The following MMP16 variants were observed in gnomAD, a reference collection of about 807,000 sequenced individuals.
MMP16 encodes the protein matrix metalloproteinase-16.
In MMP16, 12 loss-of-function variants were observed where a neutral mutation model predicts 67.8. That is an observed-to-expected ratio of 0.18 (90% confidence interval 0.11 to 0.29). MMP16 has a LOEUF of 0.29. Ranked by LOEUF, MMP16 falls within the 10% of genes least tolerant of loss-of-function variation. The pLI is 1.00. For missense variants in MMP16, 475 were observed against 765.7 expected (o/e 0.62, Z 4.48); for synonymous variants, 249 against 255.9 (o/e 0.97, Z 0.26).
At chr8:88,299,046 A>G (rs1449824652) in intron 1 of MMP16, among the ~76,000 whole-genome samples, 2 of 151,860 alleles carry the variant, frequency 1.3e-5, no homozygotes, top group East Asian at 1.9e-4. Flanking sequence ...ACACAGTGGG[A>G]AAAAAAATAG....
chr8:88,056,245 A>G lies in MMP16; in HGVS notation c.1256T>C (p.Leu419Pro), dbSNP rs748562931. ...NKYWVFKDTT[L>P]QPGYPHDLIT... ...CAAGTCATGAGGGTAACCAGGTTGA[A>G]GAGTTGTATCCTTGAACACCCAATA... The change falls in exon 8 of 10, where the codon CTT (leucine) becomes CCT (proline). Residue 419 changes from leucine to proline, a missense_variant. Leu to Pro is a moderately conservative substitution (Grantham distance 98). Transcript: ENST00000286614. 2 of 1,594,906 alleles carry G rather than the reference A, an allele frequency of 1.3e-6. No individual in the cohort carries two copies. The highest frequency in any genetic ancestry group is 1.7e-5 in the Admixed American group (1 of 58,134).
At chr8:88,179,016 TAGG>T (rs1411151061) in intron 3 of MMP16, among the ~76,000 whole-genome samples, 1 of 151,912 alleles carries the variant, frequency 6.6e-6, no homozygotes, top group Non-Finnish European at 1.5e-5. Flanking sequence ...ATGAAAATAC[TAGG>T]AGAAGAGAGA....
chr8:88,284,169 T>C (rs1427677971), intron 1 of MMP16, among the ~76,000 whole-genome samples: 1 of 152,188 alleles, frequency 6.6e-6, no homozygotes, highest in Non-Finnish European at 1.5e-5. Flanking sequence ...CTCTGTATTA[T>C]CCACAGCAGC....
intron 4 of MMP16, among the ~76,000 whole-genome samples, chr8:88,125,010 T>G (rs1807903359): frequency 1.3e-5 from 2 of 151,878 alleles, no homozygotes; most frequent in Admixed American, 1.3e-4. Flanking sequence ...AGGCCTGATC[T>G]CCAAATACTA....
In MMP16 at chr8:88,327,100, C is replaced by T; in HGVS notation, c.107G>A (p.Gly36Glu). Reference protein sequence around the residue: ...LLWILCATVCGTEQYFNVEVW... With the variant: ...LLWILCATVCETEQYFNVEVW... ...CTCCACATTGAAATACTGCTCCGTT[C>T]CGCAGACTGTAGCACATAAAATCCA... is the stretch of plus-strand genomic sequence containing the variant. The change falls in exon 1 of 10, where the codon GGA becomes GAA. Residue 36 changes from glycine to glutamate, a missense_variant. Gly to Glu is a moderately conservative substitution (Grantham distance 98). Coordinates refer to ENST00000286614, the MANE Select transcript of MMP16 (RefSeq NM_005941.5). 1 of 1,613,998 alleles carries T rather than the reference C, an allele frequency of 6.2e-7. No individual in the cohort carries two copies. Among genetic ancestry groups the T allele is most frequent in the Non-Finnish European group, 8.5e-7 (1 of 1,179,968 alleles).
At chr8:88,066,706 C>G (rs866369551) in intron 7 of MMP16, among the ~76,000 whole-genome samples, 1 of 151,846 alleles carries the variant, frequency 6.6e-6, no homozygotes. Context: ...AAAACAAAAA[C>G]AGCAGCAAAA....
At chr8:88,117,252 A>G (rs1809451767) in intron 5 of MMP16, among the ~76,000 whole-genome samples, 1 of 152,168 alleles carries the variant, frequency 6.6e-6, no homozygotes, top group Non-Finnish European at 1.5e-5. Context: ...ATATTTTGAC[A>G]AATTGCTGGA....
intron 6 of MMP16, among the ~76,000 whole-genome samples, chr8:88,111,050 G>A (rs1809325979): frequency 6.6e-6 from 1 of 151,644 alleles, no homozygotes; most frequent in South Asian, 2.1e-4. Flanking sequence ...TCTGTGTGGA[G>A]CATACAGCAA....
At chr8:88,197,735 C>T (rs1453725962) in intron 1 of MMP16, among the ~76,000 whole-genome samples, 3 of 152,080 alleles carry the variant, frequency 2.0e-5, no homozygotes, top group Non-Finnish European at 2.9e-5. Context: ...TTAAAAAAGC[C>T]GTCTTCCTGA....
At chr8:88,048,940 T>C (rs1322655388) in intron 8 of MMP16, among the ~76,000 whole-genome samples, 1 of 152,216 alleles carries the variant, frequency 6.6e-6, no homozygotes, top group African/African-American at 2.4e-5. Flanking sequence ...CAAAAGGCTT[T>C]CCTATAAATT....
At chr8:88,084,586 A>C (rs1333831021) in intron 6 of MMP16, among the ~76,000 whole-genome samples, 1 of 152,000 alleles carries the variant, frequency 6.6e-6, no homozygotes, top group Admixed American at 6.6e-5. Context: ...ATTTCATGAT[A>C]CCTACAACTT....
chr8:88,157,185 C>CA (rs1294394804), intron 4 of MMP16, among the ~76,000 whole-genome samples: 9 of 151,578 alleles, frequency 5.9e-5, no homozygotes, highest in Non-Finnish European at 7.4e-5. Context: ...AATATTTGAA[C>CA]AAAAAAAATA....
chr8:88,138,825 T>C (rs1021916070), intron 4 of MMP16, among the ~76,000 whole-genome samples: 3 of 152,072 alleles, frequency 2.0e-5, no homozygotes, highest in African/African-American at 4.8e-5. Context: ...CATACACATA[T>C]ACATATACAT....
intron 4 of MMP16, among the ~76,000 whole-genome samples, chr8:88,147,723 T>C (rs1276929643): frequency 7.2e-5 from 11 of 151,960 alleles, no homozygotes; most frequent in Admixed American, 7.2e-4. Flanking sequence ...TTTCTATCTG[T>C]TGGTTTGGAA....
chr8:88,047,368 G>A (rs1319878462), intron 8 of MMP16, among the ~76,000 whole-genome samples: 1 of 152,110 alleles, frequency 6.6e-6, no homozygotes, highest in East Asian at 1.9e-4. Context: ...GTGAGGATGG[G>A]CAATAAACCA....
chr8:88,312,457 C>T (rs192374125), intron 1 of MMP16, among the ~76,000 whole-genome samples: 1 of 152,242 alleles, frequency 6.6e-6, no homozygotes, highest in Non-Finnish European at 1.5e-5. Flanking sequence ...TTTTTAACAG[C>T]TCTATTGAGG....
At chr8:88,294,500 GTA>G (rs141322265) in intron 1 of MMP16, among the ~76,000 whole-genome samples, 3,712 of 147,834 alleles carry the variant, frequency 0.025, 149 homozygotes, top group African/African-American at 0.085. Flanking sequence ...ACACACATAT[GTA>G]TATGTCTCTA....
intron 8 of MMP16, among the ~76,000 whole-genome samples, chr8:88,048,223 T>C (rs183870564): frequency 1.4e-4 from 21 of 152,208 alleles, no homozygotes; most frequent in Admixed American, 1.3e-3. Context: ...CTGGTCTTGA[T>C]TGGAGTACTC....
At chr8:88,104,587 A>G (rs1203222457) in intron 6 of MMP16, among the ~76,000 whole-genome samples, 2 of 151,442 alleles carry the variant, frequency 1.3e-5, no homozygotes, top group Non-Finnish European at 3.0e-5. Context: ...ATTATAGCAC[A>G]TACAATGAAA....
Sources: allele counts gnomAD v4.1 joint callset (sites outside exome capture counted in the v4.1 genomes callset), GRCh38; gene constraint gnomAD v4.1.1; transcripts MANE v1.5; gene names NCBI Gene and HGNC (gene_info 2026-07-23, HGNC 2026-07-21).